Variants in ANKRD17 observed in about 807,000 individuals in gnomAD.
The protein encoded by ANKRD17 is ankyrin repeat domain 17.
A neutral mutation model predicts 229.7 loss-of-function variants in ANKRD17; 19 were observed. That is an observed-to-expected ratio of 0.08 (90% CI 0.06 to 0.12). ANKRD17 has a LOEUF of 0.12. Ranked by LOEUF, ANKRD17 falls within the 10% of genes least tolerant of loss-of-function variation. ANKRD17 has a pLI of 1.00. For missense variants in ANKRD17, 2,176 were observed against 3,176.8 expected (o/e 0.68, Z 7.57); for synonymous variants, 1,112 against 1,146.1 (o/e 0.97, Z 0.60).
At chr4:73,251,573 A>T (rs906892744) in intron 1 of ANKRD17, among the ~76,000 whole-genome samples, 3 of 83,336 alleles carry the variant, frequency 3.6e-5, no homozygotes, top group Admixed American at 1.9e-4. Flanking sequence ...GGTTTGGTGT[A>T]GGTTACACCA....
chr4:73,154,758 C>T (rs569230855), intron 5 of ANKRD17, among the ~76,000 whole-genome samples: 5 of 151,442 alleles, frequency 3.3e-5, no homozygotes, highest in South Asian at 2.1e-4. Flanking sequence ...CATTTAATAA[C>T]GGGCCGGGCG....
intron 1 of ANKRD17, among the ~76,000 whole-genome samples, chr4:73,250,390 C>T (rs1014997549): frequency 5.3e-5 from 8 of 151,496 alleles, no homozygotes; most frequent in Admixed American, 2.6e-4. Context: ...CACTTGGAGC[C>T]GGGAGTTTGC....
At position 73,139,916 on chromosome 4, in the gene ANKRD17, TTGC is replaced by T; in HGVS notation, c.2697_2699del (p.Gln904del). On this transcript the variant is annotated inframe_deletion, in exon 15 of 34. Transcript: ENST00000358602. Reference sequence around the variant, plus strand: ...GGTGTTGGCAAGACTGTTGCTGCTGTTGCTGAAGTTGAATTCTTTGAGCTTTAA... The same window carrying T: ...GGTGTTGGCAAGACTGTTGCTGCTGTTGAAGTTGAATTCTTTGAGCTTTAA... The T allele has an allele frequency of 6.2e-7, 1 of 1,614,232 alleles. No individual in the cohort carries two copies. Among genetic ancestry groups the T allele is most frequent in the South Asian group, 1.1e-5 (1 of 91,082 alleles).
rs756095978 is a variant in ANKRD17, at chr4:73,121,021, G to A, written c.3709C>T (p.Leu1237=). Residue 1237 remains leucine (L), a synonymous_variant, in exon 20 of 34, where the codon CTG becomes TTG. Transcript: ENST00000358602. Reference sequence around the variant, plus strand: ...TTTATGTCAGAGCCCATGTCTAACAGGAGCTTAACAGCAGCTGTATGCCCA... The same window carrying A: ...TTTATGTCAGAGCCCATGTCTAACAAGAGCTTAACAGCAGCTGTATGCCCA... The part of the protein sequence containing the change: ...MNGHTAAVKL[L]LDMGSDINAQ... The A allele has an allele frequency of 4.3e-6, 7 of 1,613,780 alleles. No individual in the cohort carries two copies. The East Asian group carries it at 1.3e-4, about 31-fold the overall frequency.
intron 16 of ANKRD17, among the ~76,000 whole-genome samples, chr4:73,134,295 G>A (rs1050168745): frequency 2.0e-5 from 3 of 151,950 alleles, no homozygotes; most frequent in African/African-American, 7.3e-5. Flanking sequence ...TTATTATAAA[G>A]AAATAATCAT....
chr4:73,237,192 T>C (rs1743585439), intron 1 of ANKRD17, among the ~76,000 whole-genome samples: 1 of 152,144 alleles, frequency 6.6e-6, no homozygotes, highest in Non-Finnish European at 1.5e-5. Context: ...ACATTCTAGG[T>C]TGCCTAAGCC....
At chr4:73,254,769 C>CAA (rs202163831) in intron 1 of ANKRD17, among the ~76,000 whole-genome samples, 15 of 111,934 alleles carry the variant, frequency 1.3e-4, no homozygotes, top group Non-Finnish European at 2.5e-4. Context: ...ACTCCGTCTC[C>CAA]AAAAAAAAAA....
chr4:73,107,464 G>C (rs548356868), intron 24 of ANKRD17, among the ~76,000 whole-genome samples: 11 of 152,290 alleles, frequency 7.2e-5, no homozygotes, highest in African/African-American at 2.6e-4. Flanking sequence ...GGTGGATACA[G>C]ATAAATAGAA....
At chr4:73,249,302 A>G (rs1047977952) in intron 1 of ANKRD17, among the ~76,000 whole-genome samples, 1 of 152,168 alleles carries the variant, frequency 6.6e-6, no homozygotes, top group Non-Finnish European at 1.5e-5. Flanking sequence ...AGATGGGGAT[A>G]AAAAAAGTGA....
intron 1 of ANKRD17, among the ~76,000 whole-genome samples, chr4:73,188,580 G>A (rs138857690): frequency 6.1e-4 from 92 of 151,574 alleles, no homozygotes; most frequent in African/African-American, 2.2e-3. Context: ...GTGAGACTCC[G>A]TCTAAAAAAA....
chr4:73,101,307 T>C, intron 25 of ANKRD17: 1 of 742,096 alleles, frequency 1.3e-6, no homozygotes, highest in Non-Finnish European at 1.6e-6. Context: ...AAATTACCAT[T>C]TATAATACCT....
At chr4:73,201,315 T>C (rs1738644611) in intron 1 of ANKRD17, among the ~76,000 whole-genome samples, 3 of 152,086 alleles carry the variant, frequency 2.0e-5, no homozygotes, top group South Asian at 4.1e-4. Flanking sequence ...AGGGTATCTA[T>C]AAACTTTTTT....
At chr4:73,181,514 A>G (rs1037924855) in intron 1 of ANKRD17, among the ~76,000 whole-genome samples, 4 of 152,216 alleles carry the variant, frequency 2.6e-5, no homozygotes, top group Non-Finnish European at 5.9e-5. Context: ...AGACTGGCAT[A>G]AAGAGATGCA....
intron 30 of ANKRD17, among the ~76,000 whole-genome samples, chr4:73,083,279 T>C (rs1721757988): frequency 6.6e-6 from 1 of 152,230 alleles, no homozygotes; most frequent in South Asian, 2.1e-4. Context: ...TATCTGAATA[T>C]GGACTGATTA....
chr4:73,149,056 G>C lies in ANKRD17; in HGVS notation c.1330-6C>G. On this transcript the variant is annotated splice_region_variant and splice_polypyrimidine_tract_variant and intron_variant, in intron 7 of 33. Coordinates refer to ENST00000358602, the MANE Select transcript of ANKRD17 (RefSeq NM_032217.5). ...GCTACTTCAACATGGCCATCCTAAT[G>C]ATAATACAATTTAAAAAATTAAATC... 1.2e-6 allele frequency: 2 copies of C among 1,603,862 alleles called. No individual in the cohort carries two copies. Among genetic ancestry groups the C allele is most frequent in the Non-Finnish European group, 1.7e-6 (2 of 1,173,582 alleles).
intron 1 of ANKRD17, among the ~76,000 whole-genome samples, chr4:73,221,036 C>T (rs1179106091): frequency 2.0e-5 from 3 of 152,078 alleles, no homozygotes; most frequent in Admixed American, 2.0e-4. Flanking sequence ...ATTCTTTGCA[C>T]TCTGTATTTT....
chr4:73,176,112 A>C (rs1407160492), intron 2 of ANKRD17, among the ~76,000 whole-genome samples: 1 of 152,194 alleles, frequency 6.6e-6, no homozygotes, highest in African/African-American at 2.4e-5. Flanking sequence ...TAGGAAAAAA[A>C]ATCTAATAAT....
chr4:73,157,249 G>A (rs1266791542), intron 3 of ANKRD17, among the ~76,000 whole-genome samples: 2 of 152,062 alleles, frequency 1.3e-5, no homozygotes, highest in Admixed American at 6.6e-5. Context: ...GAAATCAGAC[G>A]GAAAAGATGG....
At chr4:73,114,951 A>G (rs1056821424) in intron 23 of ANKRD17, among the ~76,000 whole-genome samples, 2 of 152,210 alleles carry the variant, frequency 1.3e-5, no homozygotes, top group Non-Finnish European at 2.9e-5. Context: ...GAAGGTCTCA[A>G]TTAGGATCTC....
Sources: gnomAD v4.1 joint callset for allele counts (sites outside exome capture counted in the v4.1 genomes callset) on GRCh38, gnomAD v4.1.1 for gene constraint, MANE v1.5 for transcripts, NCBI Gene and HGNC (gene_info 2026-07-23, HGNC 2026-07-21) for gene names.